Variants in FAT3 observed in about 807,000 individuals in gnomAD.
The protein encoded by FAT3 is FAT atypical cadherin 3.
A neutral mutation model predicts 310.2 loss-of-function variants in FAT3; 95 were observed. The observed-to-expected ratio is 0.31, with a 90% CI of 0.26 to 0.36. The LOEUF is 0.36. FAT3 is among the 10% of genes least tolerant of loss of function. FAT3 has a pLI of 1.00. For missense variants in FAT3, 5,408 were observed against 5,715.6 expected, an observed-to-expected ratio of 0.95 and a Z score of 1.74; for synonymous variants, 2,314 against 2,192.9, an observed-to-expected ratio of 1.06 and a Z score of -1.54.
At chr11:92,413,987 G>T (rs1950352114) in intron 2 of FAT3, among the ~76,000 whole-genome samples, 1 of 152,082 alleles carries the variant, frequency 6.6e-6, no homozygotes. Context: ...ATAGAAACAG[G>T]TAACAGCCAC....
chr11:92,463,637 T>C (rs1951688240), intron 2 of FAT3, among the ~76,000 whole-genome samples: 1 of 152,168 alleles, frequency 6.6e-6, no homozygotes, highest in Non-Finnish European at 1.5e-5. Context: ...TTAAAAACAC[T>C]GGCCCTTGGG....
chr11:92,567,308 G>T (rs1949571291), intron 3 of FAT3, among the ~76,000 whole-genome samples: 2 of 146,234 alleles, frequency 1.4e-5, no homozygotes, highest in African/African-American at 5.1e-5. Context: ...CTGGCCATCA[G>T]AGAAATGCAA....
At chr11:92,729,440 T>C (rs1945103321) in intron 4 of FAT3, among the ~76,000 whole-genome samples, 1 of 151,144 alleles carries the variant, frequency 6.6e-6, no homozygotes, top group Non-Finnish European at 1.5e-5. Flanking sequence ...TTTTTTTTTT[T>C]TTTTGAGATG....
chr11:92,844,339 C>T lies in FAT3; in HGVS notation c.10972C>T (p.Pro3658Ser). 1 of 1,613,916 alleles carries T rather than the reference C, an allele frequency of 6.2e-7. No homozygotes were observed. Among genetic ancestry groups the T allele is most frequent in the Non-Finnish European group, 8.5e-7 (1 of 1,179,900 alleles). The change falls in exon 19 of 28, where the codon CCT becomes TCT. Residue 3658 changes from proline to serine, a missense_variant. Pro to Ser is a moderately conservative substitution (Grantham distance 74). This residue lies in a region of FAT3 where 4,588 missense variants were observed against 4,809.8 expected (regional missense o/e 0.95). Transcript: ENST00000525166. ...TVTIRFENVSPEDFVGLHMHG... is the reference protein window; with the variant it reads ...TVTIRFENVSSEDFVGLHMHG... ...CACCATCCGCTTTGAAAATGTGTCCCCTGAGGACTTCGTGGGGCTGCACAT... is the reference window on the plus strand; with the variant it reads ...CACCATCCGCTTTGAAAATGTGTCCTCTGAGGACTTCGTGGGGCTGCACAT...
At chr11:92,598,230 A>ATATATTTTT (rs756896313) in intron 3 of FAT3, among the ~76,000 whole-genome samples, 8 of 134,448 alleles carry the variant, frequency 6.0e-5, no homozygotes, top group African/African-American at 2.0e-4. Context: ...ATATATATAT[A>ATATATTTTT]TTTTTTTTTT....
At chr11:92,341,775 T>G (rs1262990278) in intron 1 of FAT3, among the ~76,000 whole-genome samples, 1 of 152,220 alleles carries the variant, frequency 6.6e-6, no homozygotes, top group Non-Finnish European at 1.5e-5. Flanking sequence ...TCATTCAGAT[T>G]GCTGCCTGAA....
rs113492167 is a variant in FAT3, at chr11:92,613,402, A to T, written c.3608-83982A>T. ...TCAAAAGTAATTAAATATTTTTTTT[A>T]AAAAAAACTAAGTTTAAAAATAACA... On this transcript the variant is annotated intron_variant, in intron 3 of 27. Transcript: ENST00000525166. 7.7e-3 allele frequency among the ~76,000 whole-genome samples: 249 copies of T among 32,312 alleles called. 1 individual carries two copies. The highest frequency in any genetic ancestry group is 0.031 in the African/African-American group (81 of 2,578). The allele number at this position is 32,312 out of a possible 152,430, so 21.2% of individuals were successfully genotyped here.
At chr11:92,622,117 C>T (rs1296196148) in intron 3 of FAT3, among the ~76,000 whole-genome samples, 2 of 152,062 alleles carry the variant, frequency 1.3e-5, no homozygotes, top group Non-Finnish European at 2.9e-5. Flanking sequence ...GAAACCCCGT[C>T]TCTACTAAAA....
At chr11:92,336,882 T>C (rs1261376193) in intron 1 of FAT3, among the ~76,000 whole-genome samples, 1 of 152,188 alleles carries the variant, frequency 6.6e-6, no homozygotes, top group Non-Finnish European at 1.5e-5. Flanking sequence ...GCATGTTCTT[T>C]GGTCTTCCAT....
chr11:92,620,065 CA>C (rs2135664587), intron 3 of FAT3, among the ~76,000 whole-genome samples: 2 of 152,122 alleles, frequency 1.3e-5, no homozygotes, highest in South Asian at 4.1e-4. Flanking sequence ...TCATTTATTT[CA>C]AAGTATTTCT....
rs1255544770 is a variant in FAT3 at position 92,504,638 on chromosome 11, AG to A, written c.3293-19995del. ...TTATAATTTCTCTTTCTACAAGAAT[AG>A]CTATCTTGGTGGAATTTATTGATTT... is the stretch of plus-strand genomic sequence containing the variant. On this transcript the variant is annotated intron_variant, in intron 2 of 27. Transcript: ENST00000525166. Among the ~76,000 whole-genome samples the A allele has an allele frequency of 2.0e-5, 3 of 152,146 alleles. No homozygotes were observed. In the East Asian group the frequency reaches 5.8e-4, roughly 29 times the overall value.
intron 22 of FAT3, among the ~76,000 whole-genome samples, chr11:92,872,926 T>C (rs1233747733): frequency 6.6e-6 from 1 of 152,188 alleles, no homozygotes; most frequent in East Asian, 1.9e-4. Context: ...TGATAACCTA[T>C]CCACCAGTTT....
chr11:92,465,639 C>T (rs1951740070), intron 2 of FAT3, among the ~76,000 whole-genome samples: 1 of 152,122 alleles, frequency 6.6e-6, no homozygotes, highest in Non-Finnish European at 1.5e-5. Flanking sequence ...CGCATGTTCT[C>T]ACTCATAGGT....
chr11:92,681,582 A>T (rs1302532163), intron 3 of FAT3, among the ~76,000 whole-genome samples: 1 of 152,214 alleles, frequency 6.6e-6, no homozygotes, highest in African/African-American at 2.4e-5. Context: ...CAGAAGAAAG[A>T]GGTTAGCAAG....
At chr11:92,253,924 A>T (rs1405219307) in intron 1 of FAT3, among the ~76,000 whole-genome samples, 2 of 152,292 alleles carry the variant, frequency 1.3e-5, no homozygotes, top group South Asian at 2.1e-4. Flanking sequence ...TGGAGATTTG[A>T]TTCACTTGGA....
chr11:92,618,146 C>T (rs1940906522), intron 3 of FAT3, among the ~76,000 whole-genome samples: 2 of 152,218 alleles, frequency 1.3e-5, no homozygotes, highest in Non-Finnish European at 2.9e-5. Flanking sequence ...TCGAGCTTCC[C>T]AGCCACTTTG....
chr11:92,694,152 G>A (rs989127107), intron 3 of FAT3, among the ~76,000 whole-genome samples: 3 of 152,162 alleles, frequency 2.0e-5, no homozygotes, highest in Non-Finnish European at 2.9e-5. Flanking sequence ...ACCATAGTCT[G>A]TAATTTTAGA....
At position 92,438,787 on chromosome 11, in the gene FAT3, C is replaced by A. The variant is rs72972430; in HGVS notation, c.3292+83383C>A. Among the ~76,000 whole-genome samples, 794 of 152,252 alleles carry A rather than the reference C, an allele frequency of 5.2e-3. 5 individuals carry two copies. The highest frequency in any genetic ancestry group is 8.6e-3 in the Non-Finnish European group (588 of 68,010). ...AATGTTTCTATTTACAATGTTTTATCCCCATGTAGTAGATGGTGCTTTTCC... is the reference window on the plus strand; with the variant it reads ...AATGTTTCTATTTACAATGTTTTATACCCATGTAGTAGATGGTGCTTTTCC... On this transcript the variant is annotated intron_variant, in intron 2 of 27. Coordinates refer to ENST00000525166, the MANE Select transcript of FAT3 (RefSeq NM_001367949.2).
chr11:92,585,555 G>C (rs578717), intron 3 of FAT3, among the ~76,000 whole-genome samples: 31,936 of 151,924 alleles, frequency 0.21, 3,946 homozygotes, highest in African/African-American at 0.35. Flanking sequence ...ACAAAGCACC[G>C]GTGCAGCTCC....
Sources: allele counts gnomAD v4.1 joint callset (sites outside exome capture counted in the v4.1 genomes callset), GRCh38; gene constraint gnomAD v4.1.1; regional missense constraint gnomAD v4.1.1; transcripts MANE v1.5; gene names NCBI Gene and HGNC (gene_info 2026-07-23, HGNC 2026-07-21).